CHUK: variants seen among roughly 807,000 people sequenced by gnomAD.
CHUK encodes inhibitor of nuclear factor kappa-B kinase subunit alpha.
In CHUK, 35 loss-of-function variants were observed where a neutral mutation model predicts 104.8. The observed-to-expected ratio is 0.33, with a 90% confidence interval of 0.26 to 0.44. The LOEUF (loss-of-function observed/expected upper bound fraction) is 0.44. CHUK is among the 20% of genes least tolerant of loss of function. The pLI, the probability that CHUK is intolerant of heterozygous loss-of-function variation, is 1.00. For missense variants in CHUK, 663 were observed against 902.7 expected (o/e 0.73, Z 3.40); for synonymous variants, 276 against 291.9 (o/e 0.95, Z 0.56).
At chr10:100,208,913 C>G (rs1845655723) in intron 10 of CHUK, among the ~76,000 whole-genome samples, 1 of 152,052 alleles carries the variant, frequency 6.6e-6, no homozygotes, top group Admixed American at 6.6e-5. Flanking sequence ...TTAACAGGAC[C>G]CGTTCAGAAT....
intron 9 of CHUK, among the ~76,000 whole-genome samples, chr10:100,210,888 C>G (rs527875747): frequency 1.3e-5 from 2 of 152,336 alleles, no homozygotes; most frequent in South Asian, 4.1e-4. Context: ...TCAGCGCGGA[C>G]AGCCACAGAG....
At chr10:100,221,473 T>A (rs924246558) in intron 4 of CHUK, among the ~76,000 whole-genome samples, 2 of 151,836 alleles carry the variant, frequency 1.3e-5, no homozygotes, top group African/African-American at 4.8e-5. Flanking sequence ...TGAGGACCCA[T>A]CCCTCAAGGA....
chr10:100,190,539 TC>T (rs548519300), intron 20 of CHUK: 1 of 352,426 alleles, frequency 2.8e-6, no homozygotes, highest in Non-Finnish European at 5.4e-6. Context: ...AAAGTACAAG[TC>T]CCATCTTAAT....
rs539032039 is a variant in CHUK, at chr10:100,195,383, G to T, written c.1730-862C>A. 3.9e-5 allele frequency: 6 copies of T among 152,286 alleles called. No homozygotes were observed. The East Asian group carries it at 1.2e-3, about 29-fold the overall frequency. The allele number at this position is 152,286 out of a possible 1,614,324, so 9.4% of individuals were successfully genotyped here. A position where few individuals can be genotyped will look rare whatever the true frequency, so the allele number is the denominator to read the frequency against. On this transcript the variant is annotated intron_variant, in intron 16 of 20. Transcript: ENST00000370397. ...ACCCCCATTTTACCAAAAAGGAAAT[G>T]ATGAGCATCAAAGGAGGTTTAAAAA...
At chr10:100,228,870 C>T (rs1203863589) in intron 1 of CHUK, among the ~76,000 whole-genome samples, 2 of 152,032 alleles carry the variant, frequency 1.3e-5, no homozygotes, top group East Asian at 1.9e-4. Flanking sequence ...ACCTGGAATA[C>T]ATCCCCAATT....
intron 19 of CHUK, chr10:100,192,639 C>T (rs1845230738): frequency 4.1e-6 from 4 of 985,836 alleles, no homozygotes; most frequent in Non-Finnish European, 4.8e-6. Flanking sequence ...GTGAGAAAAG[C>T]GACAATACAC....
intron 9 of CHUK, among the ~76,000 whole-genome samples, chr10:100,214,407 ATGTGATAGG>A (rs1564838257): frequency 6.6e-6 from 1 of 152,174 alleles, no homozygotes; most frequent in Non-Finnish European, 1.5e-5. Context: ...ACCAGGCAAA[ATGTGATAGG>A]TGTTATAATC....
chr10:100,188,112 G>A (rs1845112385), downstream of CHUK: 1 of 152,180 alleles, frequency 6.6e-6, no homozygotes, highest in South Asian at 2.1e-4. Context: ...GGGATGGTGG[G>A]GCTGTGACAT....
At chr10:100,204,759 C>T in intron 12 of CHUK, 102 bp from the exon 13 acceptor site, 1 of 965,182 alleles carries the variant, frequency 1.0e-6, no homozygotes, top group Non-Finnish European at 1.6e-6. Context: ...AAGGCCAAAG[C>T]CTAAGTTTCT....
chr10:100,192,741 G>A, intron 19 of CHUK: 1 of 988,634 alleles, frequency 1.0e-6, no homozygotes, highest in South Asian at 4.6e-5. Flanking sequence ...TAGCAAAAGA[G>A]TAGGAATTAA....
In CHUK at chr10:100,229,441, A is replaced by G; in HGVS notation, c.92T>C (p.Leu31Pro). ...GCCCCGCCTCACCCGATGCTGGTAC[A>G]GACAGACGTTCCCGAAGCCGCCGGT... ...LGTGGFGNVC[L>P]YQHRELDLKI... The change falls in exon 1 of 21, where the codon CTG becomes CCG. Residue 31 changes from leucine (L) to proline (P), a missense_variant. Around this residue, in one of 5 missense-constraint regions of CHUK, gnomAD observed 200 missense variants for 333.0 expected, o/e 0.60. Coordinates refer to ENST00000370397, the MANE Select transcript of CHUK (RefSeq NM_001278.5). 6.2e-7 allele frequency: 1 copy of G among 1,604,042 alleles called. No homozygotes were observed.
intron 6 of CHUK, 62 bp from the exon 7 acceptor site, chr10:100,219,194 CCTA>C: frequency 6.3e-7 from 1 of 1,580,312 alleles, no homozygotes; most frequent in Non-Finnish European, 8.7e-7. Context: ...TTATTTTTGA[CCTA>C]CTATATTCAT....
At chr10:100,208,747 T>A (rs1003509714) in intron 10 of CHUK, among the ~76,000 whole-genome samples, 1 of 141,618 alleles carries the variant, frequency 7.1e-6, no homozygotes, top group Admixed American at 7.4e-5. Flanking sequence ...GATTGTGCCA[T>A]TGCACTTCAG....
intron 10 of CHUK, among the ~76,000 whole-genome samples, chr10:100,209,258 T>C (rs965970716): frequency 6.6e-6 from 1 of 152,210 alleles, no homozygotes; most frequent in African/African-American, 2.4e-5. Context: ...CCAGGCCTTC[T>C]ACCTGTAACT....
chr10:100,217,460 G>T (rs1342407535), intron 9 of CHUK, among the ~76,000 whole-genome samples: 1 of 151,986 alleles, frequency 6.6e-6, no homozygotes, highest in East Asian at 1.9e-4. Context: ...CAACAACATG[G>T]GAAAAGGTAA....
At chr10:100,200,294 G>A (rs1174341111) in intron 15 of CHUK, among the ~76,000 whole-genome samples, 3 of 152,066 alleles carry the variant, frequency 2.0e-5, no homozygotes, top group South Asian at 2.1e-4. Context: ...CCTATAATTC[G>A]AGAAAATATC....
At position 100,229,501 on chromosome 10, in the gene CHUK, G is replaced by A. The variant is rs766454749; in HGVS notation, c.32C>T (p.Ala11Val). The change falls in exon 1 of 21, where the codon GCG becomes GTG. Residue 11 changes from alanine to valine, a missense_variant. Physicochemically the swap from Ala to Val is moderately conservative, Grantham distance 64. Around this residue, in one of 5 missense-constraint regions of CHUK, gnomAD observed 44 missense variants for 39.2 expected, o/e 1.12. Transcript: ENST00000370397. MERPPGLRPG[A>V]GGPWEMRERL... ...CTCCCGCATCTCCCAGGGCCCGCCC[G>A]CGCCCGGCCGCAGCCCCGGGGGCCG... 4.5e-5 allele frequency: 70 copies of A among 1,570,814 alleles called. 1 individual carries two copies. The East Asian group carries it at 1.4e-3, about 30-fold the overall frequency.
In CHUK at chr10:100,190,993, T is replaced by C. The variant is rs1845185501; in HGVS notation, c.2109-25A>G. 2.2e-6 allele frequency: 3 copies of C among 1,384,984 alleles called. No individual in the cohort carries two copies. In the East Asian group the frequency reaches 6.8e-5, roughly 32 times the overall value. 85.8% of individuals were successfully genotyped at this position (1,384,984 alleles called of 1,614,324 possible). Reference sequence around the variant, plus strand: ...CCTGTGAGATGAAAGAACAAAGCCTTTTCAAACTCAGGAAAAGGGCATATG... The same window carrying C: ...CCTGTGAGATGAAAGAACAAAGCCTCTTCAAACTCAGGAAAAGGGCATATG... On this transcript the variant is annotated intron_variant, in intron 19 of 20. Transcript: ENST00000370397.
At chr10:100,197,630 T>C (rs1169137899) in intron 16 of CHUK, among the ~76,000 whole-genome samples, 1 of 152,222 alleles carries the variant, frequency 6.6e-6, no homozygotes, top group Non-Finnish European at 1.5e-5. Flanking sequence ...CTCTCTCCTA[T>C]ATTTAGGTTT....
Sources: allele counts gnomAD v4.1 joint callset (sites outside exome capture counted in the v4.1 genomes callset), GRCh38; gene constraint gnomAD v4.1.1; regional missense constraint gnomAD v4.1.1; transcripts MANE v1.5; gene names NCBI Gene and HGNC (gene_info 2026-07-23, HGNC 2026-07-21).